The following TENM2 variants were observed in gnomAD, a reference collection of about 807,000 sequenced individuals.
TENM2 encodes the protein teneurin-2.
TENM2 carries 52 observed loss-of-function variants against 245.2 expected under a neutral mutation model. That is an observed-to-expected ratio of 0.21 (90% CI 0.17 to 0.27). The LOEUF is 0.27. TENM2 is among the 10% of genes least tolerant of loss of function. The pLI is 1.00. For synonymous variants in TENM2, 1,363 were observed against 1,438.9 expected (o/e 0.95, Z 1.19); for missense variants, 3,046 against 3,666.8 (o/e 0.83, Z 4.37).
At chr5:167,039,272 A>C in the TENM2 span, among the ~76,000 whole-genome samples, 1 of 152,118 alleles carries the variant, frequency 6.6e-6, no homozygotes, top group Non-Finnish European at 1.5e-5. Flanking sequence ...GGCTCAATGC[A>C]AGATATGCTG....
intron 4 of TENM2, among the ~76,000 whole-genome samples, chr5:167,992,737 G>T (rs1783763003): frequency 6.6e-6 from 1 of 152,170 alleles, no homozygotes; most frequent in African/African-American, 2.4e-5. Flanking sequence ...ACAACTAGAT[G>T]CATATGTGAA....
intron 2 of TENM2, among the ~76,000 whole-genome samples, chr5:167,631,134 G>T (rs535485033): frequency 6.6e-6 from 1 of 152,116 alleles, no homozygotes; most frequent in Non-Finnish European, 1.5e-5. Context: ...AGAAAGATGA[G>T]ATCCCTGCCC....
chr5:167,949,958 G>T (rs1779950182), intron 3 of TENM2, among the ~76,000 whole-genome samples: 1 of 152,164 alleles, frequency 6.6e-6, no homozygotes, highest in African/African-American at 2.4e-5. Context: ...CCAATACCGA[G>T]AACGCTGGAT....
At chr5:168,263,829 G>T (rs1768421599), downstream of TENM2, 1 of 152,508 alleles carries the variant, frequency 6.6e-6, no homozygotes, top group African/African-American at 2.4e-5. Flanking sequence ...GAGCCGAAAG[G>T]CACAATCACT....
chr5:167,643,378 C>A (rs1478326688), intron 2 of TENM2, among the ~76,000 whole-genome samples: 2 of 152,094 alleles, frequency 1.3e-5, no homozygotes, highest in Non-Finnish European at 2.9e-5. Flanking sequence ...ATGCAGTATG[C>A]GGTCGCTTGT....
chr5:168,115,699 G>A (rs1468583606), intron 9 of TENM2, among the ~76,000 whole-genome samples: 1 of 152,116 alleles, frequency 6.6e-6, no homozygotes, highest in African/African-American at 2.4e-5. Flanking sequence ...TTCAGTGCAG[G>A]GCTGGAAGGG....
chr5:168,119,940 G>T (rs1167122981), intron 10 of TENM2, among the ~76,000 whole-genome samples: 1 of 152,184 alleles, frequency 6.6e-6, no homozygotes, highest in Non-Finnish European at 1.5e-5. Flanking sequence ...GTTTTATGAG[G>T]TTCTCAGATG....
At chr5:167,115,325 G>T in the TENM2 span, among the ~76,000 whole-genome samples, 1 of 152,178 alleles carries the variant, frequency 6.6e-6, no homozygotes, top group African/African-American at 2.4e-5. Flanking sequence ...GAGGGCACCT[G>T]CCTTGACATT....
At chr5:167,550,047 C>T (rs1772826658) in intron 2 of TENM2, among the ~76,000 whole-genome samples, 1 of 152,202 alleles carries the variant, frequency 6.6e-6, no homozygotes, top group Non-Finnish European at 1.5e-5. Flanking sequence ...TGATGCAAAA[C>T]TAGACATCTG....
At chr5:167,267,721 T>C in the TENM2 span, among the ~76,000 whole-genome samples, 1 of 152,180 alleles carries the variant, frequency 6.6e-6, no homozygotes, top group South Asian at 2.1e-4. Flanking sequence ...ATGGCAGTGC[T>C]AATGGCCGTA....
chr5:168,020,631 T>C (rs1235932740), intron 5 of TENM2, among the ~76,000 whole-genome samples: 1 of 152,164 alleles, frequency 6.6e-6, no homozygotes, highest in Non-Finnish European at 1.5e-5. Flanking sequence ...GGGAGTGTCT[T>C]TCAGTGATTC....
chr5:167,431,296 A>G (rs1390173411), intron 2 of TENM2, among the ~76,000 whole-genome samples: 1 of 152,196 alleles, frequency 6.6e-6, no homozygotes, highest in Non-Finnish European at 1.5e-5. Context: ...AGATATTTTC[A>G]GAAGAGATAC....
intron 1 of TENM2, among the ~76,000 whole-genome samples, chr5:167,365,475 C>A (rs1299649158): frequency 6.6e-6 from 1 of 150,544 alleles, no homozygotes; most frequent in Non-Finnish European, 1.5e-5. Context: ...TTAAAGCCAA[C>A]AGCTGTTTGA....
intron 2 of TENM2, among the ~76,000 whole-genome samples, chr5:167,840,889 T>A (rs1292815518): frequency 6.6e-6 from 1 of 152,142 alleles, no homozygotes; most frequent in Non-Finnish European, 1.5e-5. Flanking sequence ...CTCCCAGCCC[T>A]CCGTTTGTGG....
chr5:167,531,099 T>A (rs1771468607), intron 2 of TENM2, among the ~76,000 whole-genome samples: 1 of 152,214 alleles, frequency 6.6e-6, no homozygotes, highest in Non-Finnish European at 1.5e-5. Flanking sequence ...CAAATCTTGC[T>A]AAGCATTGGA....
At chr5:167,434,445 T>G (rs1440037117) in intron 2 of TENM2, among the ~76,000 whole-genome samples, 1 of 125,646 alleles carries the variant, frequency 8.0e-6, no homozygotes, top group African/African-American at 2.8e-5. Flanking sequence ...AAAAGACAAA[T>G]AATTTAATAA....
chr5:167,897,688 G>A (rs1775328851), intron 3 of TENM2, among the ~76,000 whole-genome samples: 4 of 152,124 alleles, frequency 2.6e-5, no homozygotes, highest in Admixed American at 2.6e-4. Context: ...AGTCTCATTG[G>A]CACCCACAGT....
At chr5:167,870,227 A>G (rs968733267) in intron 2 of TENM2, among the ~76,000 whole-genome samples, 1 of 152,176 alleles carries the variant, frequency 6.6e-6, no homozygotes, top group Non-Finnish European at 1.5e-5. Context: ...GGTTATTTCC[A>G]GGAAGAACCT....
At chr5:167,640,869 A>C (rs1225605387) in intron 2 of TENM2, among the ~76,000 whole-genome samples, 6 of 35,922 alleles carry the variant, frequency 1.7e-4, no homozygotes, top group Admixed American at 4.8e-4. Flanking sequence ...CCATATATAT[A>C]TATATATATA....
Sources: gnomAD v4.1 joint callset for allele counts (sites outside exome capture counted in the v4.1 genomes callset) on GRCh38, gnomAD v4.1.1 for gene constraint, MANE v1.5 for transcripts, NCBI Gene and HGNC (gene_info 2026-07-23, HGNC 2026-07-21) for gene names.